The following NXNL1 variants were observed in gnomAD, a reference collection of about 807,000 sequenced individuals.
NXNL1 encodes the protein nucleoredoxin like 1.
In NXNL1, 6 loss-of-function variants were observed where a neutral mutation model predicts 7.2. The ratio of observed to expected loss-of-function variants is 0.83; its 90% confidence interval spans 0.46 to 1.64. The LOEUF (loss-of-function observed/expected upper bound fraction) is 1.64. NXNL1 is among the 40% of genes most tolerant of loss of function. The pLI is 0.01. For synonymous variants in NXNL1, 133 were observed against 127.2 expected (o/e 1.05, Z -0.31); for missense variants, 308 against 285.1 (o/e 1.08, Z -0.58).
At chr19:17,458,377 C>T (rs544138083) in intron 1 of NXNL1, among the ~76,000 whole-genome samples, 3 of 151,322 alleles carry the variant, frequency 2.0e-5, no homozygotes, top group Admixed American at 6.6e-5. Flanking sequence ...CCCGCCACCA[C>T]GCCCGGCTAA....
chr19:17,455,668 G>GGGGCGCCC lies in NXNL1; in HGVS notation c.617_618insGGGCGCCC (p.Gly209ProfsTer58). On this transcript the variant is annotated frameshift_variant, in exon 2 of 2. Coordinates refer to ENST00000301944, the MANE Select transcript of NXNL1 (RefSeq NM_138454.2). LOFTEE classifies it high-confidence loss of function. ...CGGGTCAGAACAGCCCCCCGGCCCC[G>GGGGCGCCC]CCCTCCTCCCCACCCCCTCCCCCGG... is the stretch of plus-strand genomic sequence containing the variant. 3.0e-6 allele frequency: 1 copy of GGGGCGCCC among 330,286 alleles called. No homozygotes were observed. 20.5% of individuals were successfully genotyped at this position (330,286 alleles called of 1,614,324 possible). A position where few individuals can be genotyped will look rare whatever the true frequency, so the allele number is the denominator to read the frequency against.
chr19:17,456,378 A>C (rs531026676), intron 1 of NXNL1, among the ~76,000 whole-genome samples: 1 of 151,906 alleles, frequency 6.6e-6, no homozygotes, highest in African/African-American at 2.4e-5. Flanking sequence ...AGTCCCAGGT[A>C]CTCAGGAGGC....
At chr19:17,457,407 T>C (rs951908440) in intron 1 of NXNL1, among the ~76,000 whole-genome samples, 3 of 152,138 alleles carry the variant, frequency 2.0e-5, no homozygotes, top group Admixed American at 2.0e-4. Context: ...AGCCTCCATC[T>C]GTCACCCAGG....
At chr19:17,460,522 A>G in intron 1 of NXNL1, 22 bp downstream of exon 1, 1 of 1,598,046 alleles carries the variant, frequency 6.3e-7, no homozygotes, top group South Asian at 1.1e-5. Context: ...TCCTCCAGGA[A>G]GCCCTCCCTG....
intron 1 of NXNL1, among the ~76,000 whole-genome samples, 188 bp downstream of exon 1, chr19:17,460,356 C>T (rs1375147386): frequency 1.3e-5 from 2 of 152,132 alleles, no homozygotes; most frequent in Admixed American, 1.3e-4. Context: ...GTTCCTCTCA[C>T]TCGGCTCTAA....
At chr19:17,459,826 A>G (rs2075006149) in intron 1 of NXNL1, among the ~76,000 whole-genome samples, 1 of 151,760 alleles carries the variant, frequency 6.6e-6, no homozygotes, top group South Asian at 2.1e-4. Flanking sequence ...TCCTCTTACC[A>G]TAGCCTCCCA....
In NXNL1 at chr19:17,455,763, G is replaced by T. The variant is rs1568401920; in HGVS notation, c.523C>A (p.Arg175=). The T allele has an allele frequency of 9.5e-6, 14 of 1,479,518 alleles. No homozygotes were observed. The highest frequency in any genetic ancestry group is 1.3e-5 in the Non-Finnish European group (14 of 1,110,950). The allele number at this position is 1,479,518 out of a possible 1,614,324, so 91.6% of individuals were successfully genotyped here. Residue 175 remains arginine (R), a synonymous_variant, in exon 2 of 2, where the codon CGG becomes AGG. Coordinates refer to ENST00000301944, the MANE Select transcript of NXNL1 (RefSeq NM_138454.2). ...CGGCGCAGGCACTCGGTGAGGCTCCGTGGCTCCTGGTCCTCCAGGTCCTCT... is the reference window on the plus strand; with the variant it reads ...CGGCGCAGGCACTCGGTGAGGCTCCTTGGCTCCTGGTCCTCCAGGTCCTCT... ...LPEDLEDQEP[R]SLTECLRRHK... is the part of the protein sequence containing the mutation.
chr19:17,457,290 AT>A (rs1463359373), intron 1 of NXNL1, among the ~76,000 whole-genome samples: 1 of 152,150 alleles, frequency 6.6e-6, no homozygotes, highest in Non-Finnish European at 1.5e-5. Context: ...ACAATGAATA[AT>A]CTTTTAGTGT....
Position 17,456,668 on chromosome 19 carries a change from G to T in NXNL1, c.327-709C>A, listed in dbSNP as rs199611107. ...AGGCTGAGATAGGCGGATCACCGGAGGCCAGGAGTTCGAGACCAGCCTAGC... is the reference window on the plus strand; with the variant it reads ...AGGCTGAGATAGGCGGATCACCGGATGCCAGGAGTTCGAGACCAGCCTAGC... On this transcript the variant is annotated intron_variant, in intron 1 of 1. Coordinates refer to ENST00000301944, the MANE Select transcript of NXNL1 (RefSeq NM_138454.2). Among the ~76,000 whole-genome samples the T allele has an allele frequency of 3.6e-4, 55 of 152,124 alleles. No individual in the cohort carries two copies. The East Asian group carries it at 7.2e-3, about 20-fold the overall frequency.
At position 17,460,901 on chromosome 19, in the gene NXNL1, G is replaced by T. The variant is rs759078264; in HGVS notation, c.-32C>A. The T allele has an allele frequency of 5.6e-5, 90 of 1,602,602 alleles. No homozygotes were observed. The highest frequency in any genetic ancestry group is 7.3e-5 in the Non-Finnish European group (86 of 1,174,618). On this transcript the variant is annotated 5_prime_UTR_variant, in exon 1 of 2. Coordinates refer to ENST00000301944, the MANE Select transcript of NXNL1 (RefSeq NM_138454.2). ...CTGGGTTGGGTGCTGGGGACAGCGC[G>T]GCGTGTGGTCCCCGGTCTGCTGACT...
chr19:17,456,391 A>G (rs974756718), intron 1 of NXNL1, among the ~76,000 whole-genome samples: 2 of 151,842 alleles, frequency 1.3e-5, no homozygotes, highest in Non-Finnish European at 2.9e-5. Flanking sequence ...CAGGAGGCCG[A>G]GGTACCTGGG....
Position 17,455,863 on chromosome 19 carries a change from G to T in NXNL1, c.423C>A (p.Ile141=). The part of the protein sequence containing the change: ...DVLTRDGADE[I]QRLGTACFAN... ...CGAAGCAGGCGGTGCCCAGGCGCTG[G>T]ATCTCGTCGGCGCCGTCGCGAGTGA... The change falls in exon 2 of 2, where the codon ATC becomes ATA. Residue 141 remains isoleucine (I), a synonymous_variant. Transcript: ENST00000301944. 4 of 1,589,194 alleles carry T rather than the reference G, an allele frequency of 2.5e-6. No homozygotes were observed. The highest frequency in any genetic ancestry group is 3.4e-6 in the Non-Finnish European group (4 of 1,174,454).
intron 1 of NXNL1, 142 bp downstream of exon 1, chr19:17,460,402 G>A: frequency 2.3e-6 from 2 of 860,334 alleles, no homozygotes; most frequent in Non-Finnish European, 3.5e-6. Context: ...GCATGTGGAA[G>A]TGGGCACCCC....
At position 17,455,774 on chromosome 19, in the gene NXNL1, T is replaced by A; in HGVS notation, c.512A>T (p.Asp171Val). 6.6e-7 allele frequency: 1 copy of A among 1,526,402 alleles called. No individual in the cohort carries two copies. The highest frequency in any genetic ancestry group is 8.8e-7 in the Non-Finnish European group (1 of 1,138,688). The allele number at this position is 1,526,402 out of a possible 1,614,324, so 94.6% of individuals were successfully genotyped here. A position where few individuals can be genotyped will look rare whatever the true frequency, so the allele number is the denominator to read the frequency against. The change falls in exon 2 of 2, where the codon GAC (aspartate) becomes GTC (valine). Residue 171 changes from aspartate to valine, a missense_variant. Asp to Val is a radical substitution (Grantham distance 152). Coordinates refer to ENST00000301944, the MANE Select transcript of NXNL1 (RefSeq NM_138454.2). ...CTCGGTGAGGCTCCGTGGCTCCTGG[T>A]CCTCCAGGTCCTCTGGCAGCTGGAA... ...RNFQLPEDLE[D>V]QEPRSLTECL...
intron 1 of NXNL1, among the ~76,000 whole-genome samples, chr19:17,460,324 G>A (rs1340575551): frequency 6.6e-6 from 1 of 151,792 alleles, no homozygotes; most frequent in Admixed American, 6.6e-5. Flanking sequence ...CTATTACATA[G>A]TTGATTCTGT....
rs1210407659 is a variant in NXNL1 at position 17,455,933 on chromosome 19, TCCAC to T, written c.349_352del (p.Val117SerfsTer146). 1.9e-6 allele frequency: 3 copies of T among 1,596,642 alleles called. No individual in the cohort carries two copies. Among genetic ancestry groups the T allele is most frequent in the Admixed American group, 1.7e-5 (1 of 59,806 alleles). On this transcript the variant is annotated frameshift_variant, in exon 2 of 2. Transcript: ENST00000301944. LOFTEE classifies it low-confidence loss of function (END_TRUNC). Reference sequence around the variant, plus strand: ...GAGCACCACGACCGCCGGCAGGCGCTCCACTGAGAACTGGCGCCCGAGGTCCCTG... The same window carrying T: ...GAGCACCACGACCGCCGGCAGGCGCTTGAGAACTGGCGCCCGAGGTCCCTG...
rs1261497399 is a variant in NXNL1 at position 17,455,716 on chromosome 19, CT to C, written c.569del (p.Lys190ArgfsTer74). On this transcript the variant is annotated frameshift_variant, in exon 2 of 2. Coordinates refer to ENST00000301944, the MANE Select transcript of NXNL1 (RefSeq NM_138454.2). LOFTEE classifies it low-confidence loss of function (END_TRUNC). The stretch of plus-strand genomic sequence containing the variant: ...CGGGGTCGCGCCCGCCTCGCGCCGC[CT>C]TTTCCACGCGGTACTTGTGGCGGCG... Reference protein sequence around the residue: ...CLRRHKYRVEKAARGGRDPGG... With the variant: ...CLRRHKYRVEXAARGGRDPGG... 4 of 1,534,762 alleles carry C rather than the reference CT, an allele frequency of 2.6e-6. No individual in the cohort carries two copies. Among genetic ancestry groups the C allele is most frequent in the Non-Finnish European group, 8.7e-7 (1 of 1,145,982 alleles).
chr19:17,459,187 C>T (rs1460649497), intron 1 of NXNL1, among the ~76,000 whole-genome samples: 1 of 151,782 alleles, frequency 6.6e-6, no homozygotes, highest in Admixed American at 6.6e-5. Flanking sequence ...AGACCTGTCA[C>T]ATCTAAAGAA....
chr19:17,459,259 C>T (rs890541159), intron 1 of NXNL1, among the ~76,000 whole-genome samples: 20 of 137,560 alleles, frequency 1.5e-4, no homozygotes, highest in Non-Finnish European at 2.7e-4. Flanking sequence ...TCCGGAATTA[C>T]CTACAGTCTC....
Sources: gnomAD v4.1 joint callset for allele counts (sites outside exome capture counted in the v4.1 genomes callset) on GRCh38, gnomAD v4.1.1 for gene constraint, MANE v1.5 for transcripts, NCBI Gene and HGNC (gene_info 2026-07-23, HGNC 2026-07-21) for gene names.